Variants in HRH1 observed in about 807,000 individuals in gnomAD.
HRH1 encodes histamine H1 receptor.
In HRH1, 6 loss-of-function variants were observed where a neutral mutation model predicts 10.3. The observed-to-expected ratio is 0.58, with a 90% CI of 0.32 to 1.15. The LOEUF (loss-of-function observed/expected upper bound fraction) is 1.15. Ranked by LOEUF, HRH1 falls within the 50% of genes most tolerant of loss-of-function variation. The pLI is 0.05. For missense variants in HRH1, 514 were observed against 615.3 expected, an observed-to-expected ratio of 0.84 and a Z score of 1.74; for synonymous variants, 242 against 236.7, an observed-to-expected ratio of 1.02 and a Z score of -0.21.
intron 1 of HRH1, among the ~76,000 whole-genome samples, chr3:11,139,280 C>T (rs1936247513): frequency 7.0e-6 from 1 of 143,088 alleles, no homozygotes; most frequent in Non-Finnish European, 1.5e-5. Flanking sequence ...AGCCGCCCGC[C>T]TTTTTTTTTT....
At chr3:11,166,763 C>T (rs1436983621) in intron 1 of HRH1, among the ~76,000 whole-genome samples, 1 of 143,788 alleles carries the variant, frequency 7.0e-6, no homozygotes, top group African/African-American at 2.5e-5. Flanking sequence ...ATGACATCTG[C>T]TGTCCCCTGG....
rs1382279854 is a variant in HRH1, at chr3:11,138,288, C to T, written c.-36+889C>T. Among the ~76,000 whole-genome samples, 3 of 151,040 alleles carry T rather than the reference C, an allele frequency of 2.0e-5. No homozygotes were observed. In the East Asian group the frequency reaches 5.9e-4, roughly 30 times the overall value. On this transcript the variant is annotated intron_variant, in intron 1 of 1. Transcript: ENST00000438284. ...CTGCCCGCCTCGGCCTCCCAAAGTG[C>T]TAGGATTACAGGCGTGAGCCACCGC...
intron 1 of HRH1, among the ~76,000 whole-genome samples, chr3:11,171,843 G>A (rs1937157069): frequency 6.6e-6 from 1 of 152,200 alleles, no homozygotes; most frequent in African/African-American, 2.4e-5. Context: ...CTCATCTGAA[G>A]CAGGATGAAG....
chr3:11,216,889 A>C (rs1400640211), intron 1 of HRH1, among the ~76,000 whole-genome samples: 3 of 150,650 alleles, frequency 2.0e-5, no homozygotes, highest in Non-Finnish European at 4.4e-5. Flanking sequence ...CAAAAAAAAA[A>C]GACCAAAAAA....
intron 1 of HRH1, among the ~76,000 whole-genome samples, chr3:11,257,792 T>C (rs1487669985): frequency 6.6e-6 from 1 of 152,154 alleles, no homozygotes; most frequent in Non-Finnish European, 1.5e-5. Context: ...TAGCTAGGAC[T>C]ATAGGTGTAT....
At chr3:11,227,045 G>A (rs947675492) in intron 1 of HRH1, among the ~76,000 whole-genome samples, 6 of 152,188 alleles carry the variant, frequency 3.9e-5, no homozygotes, top group Non-Finnish European at 8.8e-5. Context: ...GTTTTAGAAA[G>A]ATCATTTGGC....
intron 1 of HRH1, among the ~76,000 whole-genome samples, chr3:11,187,598 A>G (rs993128719): frequency 3.9e-5 from 6 of 152,216 alleles, no homozygotes; most frequent in South Asian, 4.1e-4. Context: ...AGTCCTGCAC[A>G]TGCTGTAGCA....
intron 1 of HRH1, among the ~76,000 whole-genome samples, chr3:11,180,873 G>GTTTCTACTT (rs1323636310): frequency 6.6e-6 from 1 of 150,686 alleles, no homozygotes; most frequent in Non-Finnish European, 1.5e-5. Flanking sequence ...TATTTGGATT[G>GTTTCTACTT]TTTCTACTTT....
chr3:11,171,510 T>A lies in HRH1; in HGVS notation c.-36+16956T>A, dbSNP rs183627147. On this transcript the variant is annotated intron_variant, in intron 1 of 1. Coordinates refer to ENST00000431010, the MANE Select transcript of HRH1 (RefSeq NM_001098212.2). Reference sequence around the variant, plus strand: ...ACCAATGTGACTCAGGAGCTTTTTTTAAGAAATGCAGAGTCCCAGGCTCCA... The same window carrying A: ...ACCAATGTGACTCAGGAGCTTTTTTAAAGAAATGCAGAGTCCCAGGCTCCA... Among the ~76,000 whole-genome samples, 681 of 152,280 alleles carry A rather than the reference T, an allele frequency of 4.5e-3. 7 individuals carry two copies. The highest frequency in any genetic ancestry group is 7.3e-3 in the Non-Finnish European group (494 of 68,014).
chr3:11,189,393 TA>T (rs1385022567), intron 1 of HRH1, among the ~76,000 whole-genome samples: 1 of 152,170 alleles, frequency 6.6e-6, no homozygotes, highest in Non-Finnish European at 1.5e-5. Context: ...CCTCAAGAAT[TA>T]AATAACCTAA....
At chr3:11,157,037 T>C (rs1325699982) in intron 1 of HRH1, among the ~76,000 whole-genome samples, 1 of 152,190 alleles carries the variant, frequency 6.6e-6, no homozygotes, top group Non-Finnish European at 1.5e-5. Context: ...GTGTCACTAG[T>C]GTGGATGATA....
At chr3:11,201,485 A>T (rs762472745) in intron 1 of HRH1, among the ~76,000 whole-genome samples, 2 of 152,278 alleles carry the variant, frequency 1.3e-5, no homozygotes, top group Admixed American at 1.3e-4. Flanking sequence ...GCAGAGAAAG[A>T]CATGAGGGAG....
chr3:11,223,545 A>G (rs1463720214), intron 1 of HRH1, among the ~76,000 whole-genome samples: 3 of 152,094 alleles, frequency 2.0e-5, no homozygotes, highest in African/African-American at 7.2e-5. Flanking sequence ...CCGAATTTCA[A>G]CACCCTTTAG....
chr3:11,240,472 C>G (rs1018531133), intron 1 of HRH1, among the ~76,000 whole-genome samples: 1 of 151,984 alleles, frequency 6.6e-6, no homozygotes, highest in African/African-American at 2.4e-5. Context: ...TTGCCCCGAT[C>G]CCTACCACTC....
At chr3:11,152,606 C>G (rs972939366), upstream of HRH1, among the ~76,000 whole-genome samples, 3 of 145,988 alleles carry the variant, frequency 2.1e-5, no homozygotes, top group Non-Finnish European at 4.6e-5. Context: ...AGGCTTCCCC[C>G]ACCCGCCCTG....
At chr3:11,214,813 T>C (rs894977625) in intron 1 of HRH1, among the ~76,000 whole-genome samples, 2 of 152,226 alleles carry the variant, frequency 1.3e-5, no homozygotes, top group African/African-American at 4.8e-5. Context: ...AGTTGATTTG[T>C]TGTGGCTAAC....
At chr3:11,138,949 A>G (rs995096478) in intron 1 of HRH1, among the ~76,000 whole-genome samples, 1 of 151,016 alleles carries the variant, frequency 6.6e-6, no homozygotes, top group African/African-American at 2.4e-5. Context: ...TGCTGGGATT[A>G]CAGATGTGAG....
intron 1 of HRH1, among the ~76,000 whole-genome samples, chr3:11,181,136 A>T (rs1212602018): frequency 6.6e-6 from 1 of 152,078 alleles, no homozygotes; most frequent in Non-Finnish European, 1.5e-5. Context: ...TACAAAAATT[A>T]GCTAGGCCTA....
intron 1 of HRH1, among the ~76,000 whole-genome samples, chr3:11,158,477 G>C (rs1342161423): frequency 6.6e-6 from 1 of 152,196 alleles, no homozygotes; most frequent in Non-Finnish European, 1.5e-5. Flanking sequence ...AGGTTGCTCT[G>C]ATTTCTAAAT....
Sources: allele counts gnomAD v4.1 joint callset (sites outside exome capture counted in the v4.1 genomes callset), GRCh38; gene constraint gnomAD v4.1.1; transcripts MANE v1.5; gene names NCBI Gene and HGNC (gene_info 2026-07-23, HGNC 2026-07-21).